The following CHRNA4 variants were observed in gnomAD, a reference collection of about 807,000 sequenced individuals.
CHRNA4 encodes the protein cholinergic receptor nicotinic alpha 4 subunit.
CHRNA4 carries 28 observed loss-of-function variants against 48.9 expected under a neutral mutation model. That is an observed-to-expected ratio of 0.57 (90% CI 0.42 to 0.79). CHRNA4 has a LOEUF of 0.79. Among genes scored for constraint, CHRNA4 ranks in the 30% least tolerant of loss-of-function variants. CHRNA4 has a pLI of 0.00. For missense variants in CHRNA4, 859 were observed against 898.4 expected, an observed-to-expected ratio of 0.96 and a Z score of 0.56; for synonymous variants, 425 against 402.3, an observed-to-expected ratio of 1.06 and a Z score of -0.68.
chr20:63,358,042 T>A (rs3787141), intron 2 of CHRNA4, among the ~76,000 whole-genome samples: 1 of 152,048 alleles, frequency 6.6e-6, no homozygotes, highest in African/African-American at 2.4e-5. Context: ...CTGCCAGCTA[T>A]CACTTTGCAG....
At chr20:63,348,054 C>T (rs2068524001) in intron 5 of CHRNA4, among the ~76,000 whole-genome samples, 1 of 152,222 alleles carries the variant, frequency 6.6e-6, no homozygotes, top group Non-Finnish European at 1.5e-5. Context: ...GTGCCGCGTT[C>T]CATCCACCCT....
chr20:63,349,337 G>A (rs774236053), intron 5 of CHRNA4, among the ~76,000 whole-genome samples: 9 of 152,170 alleles, frequency 5.9e-5, no homozygotes, highest in Admixed American at 1.3e-4. Flanking sequence ...GAGCGCCCCC[G>A]TTCTGTGCTG....
intron 4 of CHRNA4, chr20:63,355,618 C>A (rs1250346609): frequency 2.3e-6 from 3 of 1,309,086 alleles, no homozygotes; most frequent in East Asian, 9.7e-5. Flanking sequence ...GGGGCAAAGA[C>A]GTCGCGGGTC....
At position 63,350,853 on chromosome 20, in the gene CHRNA4, C is replaced by T. The variant is rs572569890; in HGVS notation, c.558G>A (p.Lys186=). ...TMKFGSWTYD[K]AKIDLVNMHS... is the part of the protein sequence containing the mutation. Reference sequence around the variant, plus strand: ...GCATGTTCACCAGGTCGATCTTGGCCTTGTCGTAGGTCCAGGAGCCGAATT... The same window carrying T: ...GCATGTTCACCAGGTCGATCTTGGCTTTGTCGTAGGTCCAGGAGCCGAATT... Residue 186 remains lysine (K), a synonymous_variant, in exon 5 of 6, where the codon AAG becomes AAA. Coordinates refer to ENST00000370263, the MANE Select transcript of CHRNA4 (RefSeq NM_000744.7). 3 of 1,613,920 alleles carry T rather than the reference C, an allele frequency of 1.9e-6. No homozygotes were observed. The highest frequency in any genetic ancestry group is 2.7e-5 in the African/African-American group (2 of 74,976).
At chr20:63,360,011 T>C in intron 1 of CHRNA4, 1 of 378,116 alleles carries the variant, frequency 2.6e-6, no homozygotes, top group Non-Finnish European at 5.1e-6. Flanking sequence ...TCGGGGAAGC[T>C]TCCCAGGCCC....
In CHRNA4 at chr20:63,346,123, C is replaced by A. The variant is rs1427465877; in HGVS notation, c.*615G>T. On this transcript the variant is annotated 3_prime_UTR_variant, in exon 6 of 6. Transcript: ENST00000370263. Reference sequence around the variant, plus strand: ...TCTCCAAGGCTCCTTAGGCACAAGACTTGAGTTCTCACTAACTTACCCAAA... The same window carrying A: ...TCTCCAAGGCTCCTTAGGCACAAGAATTGAGTTCTCACTAACTTACCCAAA... The A allele has an allele frequency of 2.2e-6, 1 of 454,136 alleles. No homozygotes were observed. The highest frequency in any genetic ancestry group is 4.4e-6 in the Non-Finnish European group (1 of 226,780). 28.1% of individuals were successfully genotyped at this position (454,136 alleles called of 1,614,324 possible). A position where few individuals can be genotyped will look rare whatever the true frequency, so the allele number is the denominator to read the frequency against.
At chr20:63,354,121 A>AGTCCTGGGAGGACTGTG in intron 4 of CHRNA4, among the ~76,000 whole-genome samples, 1 of 83,736 alleles carries the variant, frequency 1.2e-5, no homozygotes, top group Non-Finnish European at 2.2e-5. Flanking sequence ...GGTGGGATGA[A>AGTCCTGGGAGGACTGTG]GTCCTGGGAG....
chr20:63,350,415 GT>G lies in CHRNA4; in HGVS notation c.995del (p.His332ProfsTer27). The stretch of plus-strand genomic sequence containing the variant: ...GCATGGTGTGCGTGCGTGGCGAGCG[GT>G]GGTGCACGTTGAGCACGAAGACCGT... ...VITVFVLNVH[H>X]RSPRTHTMPT... On this transcript the variant is annotated frameshift_variant, in exon 5 of 6. Coordinates refer to ENST00000370263, the MANE Select transcript of CHRNA4 (RefSeq NM_000744.7). LOFTEE classifies it high-confidence loss of function. The G allele has an allele frequency of 6.2e-7, 1 of 1,613,968 alleles. No homozygotes were observed. Among genetic ancestry groups the G allele is most frequent in the Non-Finnish European group, 8.5e-7 (1 of 1,180,038 alleles).
In CHRNA4 at chr20:63,343,571, G is replaced by C; in HGVS notation, c.*3167C>G. ...CAAGGGAGCCTGAGTGACAACTCCG[G>C]AGGCCAGCCATTGAGAGATTACCAC... On this transcript the variant is annotated 3_prime_UTR_variant, in exon 6 of 6. Transcript: ENST00000370263. 1 of 452,028 alleles carries C rather than the reference G, an allele frequency of 2.2e-6. No individual in the cohort carries two copies. Among genetic ancestry groups the C allele is most frequent in the South Asian group, 1.6e-5 (1 of 64,070 alleles). 28.0% of individuals were successfully genotyped at this position (452,028 alleles called of 1,614,324 possible). A position where few individuals can be genotyped will look rare whatever the true frequency, so the allele number is the denominator to read the frequency against.
chr20:63,356,541 G>T, intron 2 of CHRNA4, 126 bp from the exon 3 acceptor site: 1 of 991,188 alleles, frequency 1.0e-6, no homozygotes, highest in Non-Finnish European at 1.6e-6. Flanking sequence ...CGGGCGACCT[G>T]TGGAGGGGGT....
In CHRNA4 at chr20:63,350,966, C is replaced by G; in HGVS notation, c.445G>C (p.Val149Leu). Reference protein sequence around the residue: ...TKAHLFHDGRVQWTPPAIYKS... With the variant: ...TKAHLFHDGRLQWTPPAIYKS... ...TAAATGGCCGGGGGAGTCCACTGCA[C>G]CCGCCCGTCATGGAACAGGTGGGCC... The change falls in exon 5 of 6, where the codon GTG (valine) becomes CTG (leucine). Residue 149 changes from valine to leucine, a missense_variant. Transcript: ENST00000370263. 6.2e-7 allele frequency: 1 copy of G among 1,613,742 alleles called. No homozygotes were observed. The highest frequency in any genetic ancestry group is 8.5e-7 in the Non-Finnish European group (1 of 1,179,992).
chr20:63,361,263 G>A lies in CHRNA4; in HGVS notation c.-98C>T, dbSNP rs1185380128. ...CAACTTCATGCCTCCCGCGCCTCGC[G>A]GGCCGCTTCGGCCGCCGGGCCCGGT... is the stretch of plus-strand genomic sequence containing the variant. On this transcript the variant is annotated 5_prime_UTR_variant, in exon 1 of 6. Transcript: ENST00000370263. 7.2e-7 allele frequency: 1 copy of A among 1,390,006 alleles called. No individual in the cohort carries two copies. The highest frequency in any genetic ancestry group is 3.1e-5 in the Admixed American group (1 of 32,760). 86.1% of individuals were successfully genotyped at this position (1,390,006 alleles called of 1,614,324 possible).
At position 63,358,672 on chromosome 20, in the gene CHRNA4, C is replaced by T. The variant is rs1198434543; in HGVS notation, c.228+876G>A. On this transcript the variant is annotated intron_variant, in intron 2 of 5. Transcript: ENST00000370263. ...GCCAGCTCCCAGAGACCATGGCCTG[C>T]CCAACCTGCCCTCCTCCATGGTGGC... is the stretch of plus-strand genomic sequence containing the variant. 2.6e-5 allele frequency among the ~76,000 whole-genome samples: 4 copies of T among 152,196 alleles called. 1 individual carries two copies. The South Asian group carries it at 8.3e-4, about 31-fold the overall frequency.
At chr20:63,349,612 C>A (rs2068549584) in intron 5 of CHRNA4, 41 bp downstream of exon 5, 1 of 1,611,182 alleles carries the variant, frequency 6.2e-7, no homozygotes, top group African/African-American at 1.3e-5. Context: ...CCGGTTCCGT[C>A]TGGGTCAGAG....
At position 63,350,640 on chromosome 20, in the gene CHRNA4, G is replaced by C; in HGVS notation, c.771C>G (p.Ile257Met). The C allele has an allele frequency of 6.2e-7, 1 of 1,614,104 alleles. No homozygotes were observed. The highest frequency in any genetic ancestry group is 8.5e-7 in the Non-Finnish European group (1 of 1,180,042). ...AGAAGACCAGCACGGTGAGGCAGGA[G>C]ATGAGCAGGCAGGGGATGATGAGGT... is the stretch of plus-strand genomic sequence containing the variant. ...TINLIIPCLL[I>M]SCLTVLVFYL... Residue 257 changes from isoleucine to methionine, a missense_variant, in exon 5 of 6, where the codon ATC (isoleucine) becomes ATG (methionine). Physicochemically the swap from Ile to Met is conservative, Grantham distance 10. Coordinates refer to ENST00000370263, the MANE Select transcript of CHRNA4 (RefSeq NM_000744.7).
At chr20:63,359,882 T>A (rs1050362733) in intron 1 of CHRNA4, 183 bp from the exon 2 acceptor site, 3 of 446,734 alleles carry the variant, frequency 6.7e-6, no homozygotes, top group East Asian at 3.8e-5. Flanking sequence ...TGTGTGTGTG[T>A]GTGCCGGGCG....
chr20:63,344,590 T>A lies in CHRNA4; in HGVS notation c.*2148A>T, dbSNP rs2068458936. ...CAGGAGCGTCCCAGCCACTCCGCAG[T>A]CACTCCTGACCCAGAAAAGAACAAC... On this transcript the variant is annotated 3_prime_UTR_variant, in exon 6 of 6. Coordinates refer to ENST00000370263, the MANE Select transcript of CHRNA4 (RefSeq NM_000744.7). The surrounding 1 kb of genome is among the most constrained non-coding windows in gnomAD (Gnocchi z 4.5). 2.2e-6 allele frequency: 1 copy of A among 453,010 alleles called. No homozygotes were observed. Among genetic ancestry groups the A allele is most frequent in the Non-Finnish European group, 4.4e-6 (1 of 226,470 alleles). 28.1% of individuals were successfully genotyped at this position (453,010 alleles called of 1,614,324 possible). A position where few individuals can be genotyped will look rare whatever the true frequency, so the allele number is the denominator to read the frequency against.
At chr20:63,351,192 G>GC (rs1257760866) in intron 4 of CHRNA4, 165 bp from the exon 5 acceptor site, 2 of 437,888 alleles carry the variant, frequency 4.6e-6, no homozygotes, top group African/African-American at 9.8e-5. Context: ...CATGTCCCAC[G>GC]CCCACATCCA....
chr20:63,353,261 C>T (rs905010211), intron 4 of CHRNA4, among the ~76,000 whole-genome samples: 1 of 152,198 alleles, frequency 6.6e-6, no homozygotes, highest in African/African-American at 2.4e-5. Context: ...GCCTCCTCAG[C>T]GGGAGCAGAC....
Sources: allele counts gnomAD v4.1 joint callset (sites outside exome capture counted in the v4.1 genomes callset), GRCh38; gene constraint gnomAD v4.1.1; non-coding constraint Gnocchi (gnomAD v3.1); transcripts MANE v1.5; gene names NCBI Gene and HGNC (gene_info 2026-07-23, HGNC 2026-07-21).